The following NBDY variants were observed in gnomAD, a reference collection of about 807,000 sequenced individuals.
The protein encoded by NBDY is P-body dissociating protein.
chrX:56,738,109 C>T (rs1946280146), intron 2 of NBDY, among the ~76,000 whole-genome samples: 1 of 111,794 alleles, frequency 8.9e-6, no homozygotes, highest in African/African-American at 3.3e-5. Context: ...ATTTTCTTTC[C>T]TTGGTCAAAG....
At chrX:56,799,060 C>T (rs1226376650) in intron 2 of NBDY, among the ~76,000 whole-genome samples, 1 of 111,829 alleles carries the variant, frequency 8.9e-6, no homozygotes, top group Non-Finnish European at 1.9e-5. Context: ...GAGTGCCAGA[C>T]AGATGGTGGT....
chrX:56,756,947 T>A (rs1454649782), intron 2 of NBDY, among the ~76,000 whole-genome samples: 2 of 110,630 alleles, frequency 1.8e-5, no homozygotes, highest in African/African-American at 6.6e-5. Context: ...AAAGTGAGAC[T>A]CTCCCTGAAA....
chrX:56,736,428 C>T (rs1354218389), intron 2 of NBDY, among the ~76,000 whole-genome samples: 3 of 111,537 alleles, frequency 2.7e-5, no homozygotes. Context: ...CCATGCCCGG[C>T]CAATTTTCCG....
rs150573012 is a variant in NBDY at position 56,783,910 on chromosome X, A to G, written c.*167-33410A>G. On this transcript the variant is annotated intron_variant, in intron 2 of 2. Coordinates refer to ENST00000374922, the MANE Select transcript of NBDY (RefSeq NM_001348129.2). ...TCATCTACAGCAGGGCTCCCCACCT[A>G]CGTGGTCACTTTGGGGGAAGGTGCA... Among the ~76,000 whole-genome samples the G allele has an allele frequency of 4.1e-3, 459 of 112,327 alleles. 2 individuals carry two copies. The highest frequency in any genetic ancestry group is 7.0e-3 in the Non-Finnish European group (374 of 53,295).
At chrX:56,760,049 C>T (rs757448519) in intron 2 of NBDY, among the ~76,000 whole-genome samples, 1 of 112,537 alleles carries the variant, frequency 8.9e-6, no homozygotes, top group East Asian at 2.8e-4. Context: ...GTGTCTCTGC[C>T]CACTGGGTAG....
At chrX:56,737,095 T>C in intron 2 of NBDY, 1 of 478,385 alleles carries the variant, frequency 2.1e-6, no homozygotes, top group Non-Finnish European at 3.9e-6. Flanking sequence ...TCAGTAGTTA[T>C]TCAGTATAAG....
intron 2 of NBDY, among the ~76,000 whole-genome samples, chrX:56,788,481 C>T (rs2069743172): frequency 8.9e-6 from 1 of 112,812 alleles, no homozygotes; most frequent in Admixed American, 9.3e-5. Context: ...GGCCTGGGCT[C>T]ATTCCCAGGA....
At chrX:56,794,224 G>T (rs897518942) in intron 2 of NBDY, among the ~76,000 whole-genome samples, 1 of 111,502 alleles carries the variant, frequency 9.0e-6, no homozygotes, top group African/African-American at 3.3e-5. Flanking sequence ...ACCCAGCCCC[G>T]CATATTTTTG....
chrX:56,810,893 A>C (rs764872795), intron 2 of NBDY: 1 of 111,413 alleles, frequency 9.0e-6, no homozygotes, highest in Non-Finnish European at 1.9e-5. Flanking sequence ...GGATTTATCT[A>C]CCTTTGGTCT....
intron 2 of NBDY, among the ~76,000 whole-genome samples, chrX:56,744,627 A>G (rs2069547485): frequency 8.9e-6 from 1 of 111,761 alleles, no homozygotes; most frequent in Non-Finnish European, 1.9e-5. Context: ...ATCTTTCTTT[A>G]CTAATTTTTT....
intron 2 of NBDY, among the ~76,000 whole-genome samples, chrX:56,751,657 G>T (rs2069586552): frequency 8.9e-6 from 1 of 112,112 alleles, no homozygotes; most frequent in Non-Finnish European, 1.9e-5. Context: ...AAGCACATTT[G>T]TGTCCTTTTC....
intron 2 of NBDY, among the ~76,000 whole-genome samples, chrX:56,755,294 T>C (rs776956677): frequency 8.9e-6 from 1 of 111,941 alleles, no homozygotes; most frequent in East Asian, 2.8e-4. Flanking sequence ...ACAAATGGGA[T>C]CTAACTAAAC....
rs778878513 is a variant in NBDY, at chrX:56,818,123, T to TA, written c.*977dup. 3.5e-4 allele frequency: 39 copies of TA among 111,364 alleles called. No homozygotes were observed. Among genetic ancestry groups the TA allele is most frequent in the African/African-American group, 9.7e-4 (30 of 30,864 alleles). 9.2% of individuals were successfully genotyped at this position (111,364 alleles called of 1,213,427 possible). ...TAGACTATAATAATTTCCAGGGATA[T>TA]AAAAAAATAAAGCTTCTACCTTTGA... is the stretch of plus-strand genomic sequence containing the variant. On this transcript the variant is annotated 3_prime_UTR_variant, in exon 3 of 3. Transcript: ENST00000374922.
chrX:56,818,460 T>C lies in NBDY; in HGVS notation c.*1307T>C, dbSNP rs1376832101. Reference sequence around the variant, plus strand: ...AAATTATAGACAGTTATTTTAAAGATTGTATAATATTACTAATCACACATT... The same window carrying C: ...AAATTATAGACAGTTATTTTAAAGACTGTATAATATTACTAATCACACATT... On this transcript the variant is annotated 3_prime_UTR_variant, in exon 3 of 3. Coordinates refer to ENST00000374922, the MANE Select transcript of NBDY (RefSeq NM_001348129.2). 2.7e-5 allele frequency: 3 copies of C among 111,956 alleles called. No individual in the cohort carries two copies. The highest frequency in any genetic ancestry group is 9.5e-5 in the Admixed American group (1 of 10,496). 9.2% of individuals were successfully genotyped at this position (111,956 alleles called of 1,213,427 possible).
intron 2 of NBDY, among the ~76,000 whole-genome samples, chrX:56,744,792 A>C (rs1026455349): frequency 9.0e-6 from 1 of 111,348 alleles, no homozygotes; most frequent in Non-Finnish European, 1.9e-5. Context: ...TTTTTTTCCT[A>C]TACATACATA....
rs781544368 is a variant in NBDY, at chrX:56,804,389, C to A, written c.*167-12931C>A. On this transcript the variant is annotated intron_variant, in intron 2 of 2. Transcript: ENST00000374922. Reference sequence around the variant, plus strand: ...ACTGGAGCCCAGGCACTCATCCATGCCCAAGAGTAGGAGGGGTATTCTGGG... The same window carrying A: ...ACTGGAGCCCAGGCACTCATCCATGACCAAGAGTAGGAGGGGTATTCTGGG... Among the ~76,000 whole-genome samples, 5 of 112,097 alleles carry A rather than the reference C, an allele frequency of 4.5e-5. No individual in the cohort carries two copies. In the South Asian group the frequency reaches 1.9e-3, roughly 43 times the overall value.
In NBDY at chrX:56,731,122, G is replaced by GAA. The variant is rs397947592; in HGVS notation, c.*30-931_*30-930dup. On this transcript the variant is annotated intron_variant, in intron 1 of 2. Transcript: ENST00000374922. ...ACATTGGGTTTGGTGGTAATGCATA[G>GAA]AAAAAAAAAAATAGAAATCTATTTT... 5.2e-4 allele frequency among the ~76,000 whole-genome samples: 54 copies of GAA among 103,201 alleles called. 1 individual carries two copies. Among genetic ancestry groups the GAA allele is most frequent in the African/African-American group, 1.5e-3 (43 of 28,478 alleles). The allele number at this position is 103,201 out of a possible 115,157, so 89.6% of individuals were successfully genotyped here.
At chrX:56,760,283 C>G (rs1602656136) in intron 2 of NBDY, among the ~76,000 whole-genome samples, 1 of 113,271 alleles carries the variant, frequency 8.8e-6, no homozygotes, top group East Asian at 2.8e-4. Flanking sequence ...GAAACACCTT[C>G]CACTGGATGT....
intron 2 of NBDY, among the ~76,000 whole-genome samples, chrX:56,735,328 T>C (rs2069482014): frequency 8.9e-6 from 1 of 112,572 alleles, no homozygotes; most frequent in Non-Finnish European, 1.9e-5. Flanking sequence ...TTTGGAAGAA[T>C]GAAGTAATCT....
Sources: gnomAD v4.1 joint callset for allele counts (sites outside exome capture counted in the v4.1 genomes callset) on GRCh38, gnomAD v4.1.1 for gene constraint, MANE v1.5 for transcripts, NCBI Gene and HGNC (gene_info 2026-07-23, HGNC 2026-07-21) for gene names.